The following HNRNPC variants were observed in gnomAD, a reference collection of about 807,000 sequenced individuals.
HNRNPC encodes the protein heterogeneous nuclear ribonucleoproteins C1/C2.
In HNRNPC, 3 loss-of-function variants were observed where a neutral mutation model predicts 33.2. The observed-to-expected ratio is 0.09, with a 90% CI of 0.04 to 0.23. HNRNPC has a LOEUF of 0.23. Among genes scored for constraint, HNRNPC ranks in the 10% least tolerant of loss-of-function variants. The probability of loss-of-function intolerance (pLI) is 1.00; values close to 1 mark genes in which losing one functional copy is unlikely to be tolerated. For synonymous variants in HNRNPC, 121 were observed against 126.7 expected (o/e 0.96, Z 0.30); for missense variants, 143 against 366.7 (o/e 0.39, Z 4.98).
chr14:21,267,221 A>T (rs958047367), intron 1 of HNRNPC, among the ~76,000 whole-genome samples: 5 of 151,890 alleles, frequency 3.3e-5, no homozygotes, highest in South Asian at 2.1e-4. Context: ...AATAGGTTTT[A>T]AAAAAAAGTC....
At position 21,220,554 on chromosome 14, in the gene HNRNPC, C is replaced by CTA. The variant is rs200071783; in HGVS notation, c.366-7439_366-7438dup. On this transcript the variant is annotated intron_variant, in intron 5 of 8. Coordinates refer to ENST00000553300, the MANE Select transcript of HNRNPC (RefSeq NM_004500.4). Reference sequence around the variant, plus strand: ...TCTATTTCTTATTATAGTATTCCTGCTATATACAATGCCTCACAGCAGGAT... The same window carrying CTA: ...TCTATTTCTTATTATAGTATTCCTGCTATATATACAATGCCTCACAGCAGGAT... 3.6e-4 allele frequency among the ~76,000 whole-genome samples: 55 copies of CTA among 152,206 alleles called. 1 individual carries two copies. In the East Asian group the frequency reaches 0.01, roughly 28 times the overall value.
chr14:21,268,009 T>C (rs945540757), intron 1 of HNRNPC, among the ~76,000 whole-genome samples: 6 of 152,170 alleles, frequency 3.9e-5, no homozygotes, highest in African/African-American at 1.4e-4. Context: ...TAGATTGCCT[T>C]ACAGATGAAT....
chr14:21,247,562 A>G (rs994497973), intron 2 of HNRNPC, among the ~76,000 whole-genome samples: 32 of 152,148 alleles, frequency 2.1e-4, no homozygotes, highest in African/African-American at 7.7e-4. Context: ...CTCTGGTTTC[A>G]TTTTTAGCAC....
Position 21,236,929 on chromosome 14 carries a change from T to TTCG in HNRNPC, c.-36-2701_-36-2700insCGA, listed in dbSNP as rs1934530097. ...GTAAAGGCAAGCCAGCATATATGGT[T>TTCG]TCACTGACTGTGGGAGAAATAAAAG... On this transcript the variant is annotated intron_variant, in intron 2 of 8. Coordinates refer to ENST00000553300, the MANE Select transcript of HNRNPC (RefSeq NM_004500.4). Among the ~76,000 whole-genome samples, 3 of 152,270 alleles carry TTCG rather than the reference T, an allele frequency of 2.0e-5. No individual in the cohort carries two copies. In the South Asian group the frequency reaches 6.2e-4, roughly 32 times the overall value.
At chr14:21,227,814 T>C (rs1211645976) in intron 5 of HNRNPC, among the ~76,000 whole-genome samples, 1 of 152,322 alleles carries the variant, frequency 6.6e-6, no homozygotes, top group East Asian at 1.9e-4. Context: ...CTGCTAAAAC[T>C]TGATACACTC....
At position 21,210,273 on chromosome 14, in the gene HNRNPC, A is replaced by C. The variant is rs1260386867; in HGVS notation, c.*950T>G. 1 of 152,224 alleles carries C rather than the reference A, an allele frequency of 6.6e-6. No homozygotes were observed. Among genetic ancestry groups the C allele is most frequent in the Non-Finnish European group, 1.5e-5 (1 of 68,042 alleles). The allele number at this position is 152,224 out of a possible 1,614,324, so 9.4% of individuals were successfully genotyped here. On this transcript the variant is annotated 3_prime_UTR_variant, in exon 9 of 9. Coordinates refer to ENST00000553300, the MANE Select transcript of HNRNPC (RefSeq NM_004500.4). ...TCAGAAAGGGTGCCAGCTGGACCAC[A>C]AAGCACTGATGAAAAGGCAGAGAGG...
rs1019162442 is a variant in HNRNPC at position 21,258,446 on chromosome 14, G to C, written c.-37+4865C>G. Among the ~76,000 whole-genome samples, 41 of 151,764 alleles carry C rather than the reference G, an allele frequency of 2.7e-4. 1 individual carries two copies. Among genetic ancestry groups the C allele is most frequent in the African/African-American group, 1.2e-4 (5 of 41,312 alleles). ...GACGAAAGGAGTCTACTATCATTAAGTGTTGAAATCTGCACCCTTAATCCC... is the reference window on the plus strand; with the variant it reads ...GACGAAAGGAGTCTACTATCATTAACTGTTGAAATCTGCACCCTTAATCCC... On this transcript the variant is annotated intron_variant, in intron 2 of 8. Coordinates refer to ENST00000553300, the MANE Select transcript of HNRNPC (RefSeq NM_004500.4).
rs1878508161 is a variant in HNRNPC at position 21,263,296 on chromosome 14, A to G, written c.-37+15T>C. The G allele has an allele frequency of 6.6e-6, 1 of 152,588 alleles. No homozygotes were observed. Among genetic ancestry groups the G allele is most frequent in the East Asian group, 1.9e-4 (1 of 5,204 alleles). 9.5% of individuals were successfully genotyped at this position (152,588 alleles called of 1,614,324 possible). On this transcript the variant is annotated intron_variant, in intron 2 of 8. Transcript: ENST00000553300. Reference sequence around the variant, plus strand: ...AAGTCAGGAAAAATGTTAAAAAAAAATTGGAATAACTTACTGTAGCTGAAG... The same window carrying G: ...AAGTCAGGAAAAATGTTAAAAAAAAGTTGGAATAACTTACTGTAGCTGAAG...
At chr14:21,256,675 G>T (rs1337829002) in intron 2 of HNRNPC, among the ~76,000 whole-genome samples, 1 of 151,916 alleles carries the variant, frequency 6.6e-6, no homozygotes, top group Non-Finnish European at 1.5e-5. Flanking sequence ...TTGTGATAGG[G>T]TCTTGCTCTG....
At chr14:21,243,194 T>C (rs1440889188) in intron 2 of HNRNPC, among the ~76,000 whole-genome samples, 1 of 152,172 alleles carries the variant, frequency 6.6e-6, no homozygotes, top group Admixed American at 6.5e-5. Flanking sequence ...TTACTATCAA[T>C]TGTTTAATTA....
At chr14:21,251,791 G>A (rs556459797) in intron 2 of HNRNPC, among the ~76,000 whole-genome samples, 4 of 152,182 alleles carry the variant, frequency 2.6e-5, no homozygotes, top group African/African-American at 9.6e-5. Flanking sequence ...TATTTCTGCA[G>A]GAATACATAT....
intron 2 of HNRNPC, among the ~76,000 whole-genome samples, chr14:21,258,328 T>G (rs1346682393): frequency 6.6e-6 from 1 of 151,608 alleles, no homozygotes; most frequent in Non-Finnish European, 1.5e-5. Context: ...AGGCGGAGGT[T>G]GCAGTGAGCC....
chr14:21,222,942 T>C (rs1043980211), intron 5 of HNRNPC, among the ~76,000 whole-genome samples: 1 of 151,752 alleles, frequency 6.6e-6, no homozygotes, highest in Non-Finnish European at 1.5e-5. Context: ...GGCTCACGCC[T>C]GTAATCCTAG....
At chr14:21,221,772 G>C (rs779693143) in intron 5 of HNRNPC, among the ~76,000 whole-genome samples, 14 of 152,230 alleles carry the variant, frequency 9.2e-5, no homozygotes, top group African/African-American at 2.9e-4. Flanking sequence ...TGGCTGGGCT[G>C]GGCACGGTGG....
chr14:21,209,984 A>G lies in HNRNPC; in HGVS notation c.*1239T>C, dbSNP rs1419629504. The G allele has an allele frequency of 6.6e-6, 1 of 152,246 alleles. No individual in the cohort carries two copies. The highest frequency in any genetic ancestry group is 1.9e-4 in the East Asian group (1 of 5,208). The allele number at this position is 152,246 out of a possible 1,614,324, so 9.4% of individuals were successfully genotyped here. On this transcript the variant is annotated 3_prime_UTR_variant, in exon 9 of 9. Coordinates refer to ENST00000553300, the MANE Select transcript of HNRNPC (RefSeq NM_004500.4). ...GGTAAAAGATCATTTAGAGTAAAATAAATGTGTAACATTCTCTATGTTCTC... is the reference window on the plus strand; with the variant it reads ...GGTAAAAGATCATTTAGAGTAAAATGAATGTGTAACATTCTCTATGTTCTC...
chr14:21,241,276 AC>A (rs397934851), intron 2 of HNRNPC, among the ~76,000 whole-genome samples: 85 of 149,370 alleles, frequency 5.7e-4, no homozygotes, highest in Middle Eastern at 3.5e-3. Context: ...AAAAAAAAAA[AC>A]CACAACCATA....
rs1210540440 is a variant in HNRNPC, at chr14:21,269,329, G to C, written c.-94C>G. On this transcript the variant is annotated 5_prime_UTR_variant, in exon 1 of 9. Transcript: ENST00000553300. ...GGGGAGGGAGAAGAGATTCGATTCTGAGTCTCCTACTCCCGGGTTCTGCGT... is the reference window on the plus strand; with the variant it reads ...GGGGAGGGAGAAGAGATTCGATTCTCAGTCTCCTACTCCCGGGTTCTGCGT... The C allele has an allele frequency of 6.5e-6, 1 of 153,886 alleles. No individual in the cohort carries two copies. The highest frequency in any genetic ancestry group is 1.5e-5 in the Non-Finnish European group (1 of 68,140). 9.5% of individuals were successfully genotyped at this position (153,886 alleles called of 1,614,324 possible). A position where few individuals can be genotyped will look rare whatever the true frequency, so the allele number is the denominator to read the frequency against.
At chr14:21,229,786 GAC>G (rs1893903093) in intron 5 of HNRNPC, among the ~76,000 whole-genome samples, 1 of 152,136 alleles carries the variant, frequency 6.6e-6, no homozygotes, top group African/African-American at 2.4e-5. Flanking sequence ...GGCATTATAA[GAC>G]AAATAGTATA....
At chr14:21,222,701 G>A (rs1403873504) in intron 5 of HNRNPC, among the ~76,000 whole-genome samples, 1 of 151,726 alleles carries the variant, frequency 6.6e-6, no homozygotes, top group African/African-American at 2.4e-5. Flanking sequence ...GACCATCCTG[G>A]CAAATACGGT....
Sources: allele counts gnomAD v4.1 joint callset (sites outside exome capture counted in the v4.1 genomes callset), GRCh38; gene constraint gnomAD v4.1.1; transcripts MANE v1.5; gene names NCBI Gene and HGNC (gene_info 2026-07-23, HGNC 2026-07-21).